The following MYLK variants were observed in gnomAD, a reference collection of about 807,000 sequenced individuals.
The protein encoded by MYLK is myosin light chain kinase, also known as myosin light chain kinase, smooth muscle.
A neutral mutation model predicts 203.4 loss-of-function variants in MYLK; 106 were observed. The ratio of observed to expected loss-of-function variants is 0.52; its 90% CI spans 0.45 to 0.61. MYLK has a LOEUF of 0.61. Ranked by LOEUF, MYLK falls within the 20% of genes least tolerant of loss-of-function variation. The pLI, the probability that MYLK is intolerant of heterozygous loss-of-function variation, is 0.00. For synonymous variants in MYLK, 867 were observed against 959.5 expected (o/e 0.90, Z 1.78); for missense variants, 2,072 against 2,442.3 (o/e 0.85, Z 3.20).
chr3:123,857,156 G>A (rs1326070043), intron 2 of MYLK, among the ~76,000 whole-genome samples: 6 of 151,928 alleles, frequency 3.9e-5, no homozygotes, highest in Admixed American at 2.0e-4. Flanking sequence ...AACAGGTGCT[G>A]GAGAGGATGT....
chr3:123,874,607 T>C (rs1198662582), intron 2 of MYLK, among the ~76,000 whole-genome samples: 1 of 152,146 alleles, frequency 6.6e-6, no homozygotes, highest in East Asian at 1.9e-4. Flanking sequence ...AGCAAAAGCA[T>C]AACACATCTT....
At chr3:123,861,012 C>G (rs1296424766) in intron 2 of MYLK, among the ~76,000 whole-genome samples, 1 of 151,972 alleles carries the variant, frequency 6.6e-6, no homozygotes, top group Admixed American at 6.6e-5. Context: ...CGCCTGTGGT[C>G]TCAGCTACTT....
rs1028376931 is a variant in MYLK, at chr3:123,858,150, T to G, written c.-127+18409A>C. On this transcript the variant is annotated intron_variant, in intron 2 of 33. Coordinates refer to ENST00000360304, the MANE Select transcript of MYLK (RefSeq NM_053025.4). The stretch of plus-strand genomic sequence containing the variant: ...AGCTATCTGCTTGTCATGCTTATGT[T>G]TATCACTTGCAATAGTGCCCAGATC... 2.6e-5 allele frequency among the ~76,000 whole-genome samples: 4 copies of G among 152,328 alleles called. No homozygotes were observed. In the East Asian group the frequency reaches 7.7e-4, roughly 29 times the overall value.
intron 3 of MYLK, among the ~76,000 whole-genome samples, chr3:123,803,107 A>G (rs944488834): frequency 2.0e-5 from 3 of 152,172 alleles, no homozygotes; most frequent in African/African-American, 7.2e-5. Context: ...CATGGCTTCC[A>G]ATCCCTAGGA....
intron 3 of MYLK, among the ~76,000 whole-genome samples, chr3:123,810,343 ACTCTCTGGAACGAAGAGTT>A (rs1231196903): frequency 6.6e-6 from 1 of 151,686 alleles, no homozygotes; most frequent in Non-Finnish European, 1.5e-5. Context: ...CAAGGTGGCC[ACTCTCTGGAACGAAGAGTT>A]CAATCTGCAT....
chr3:123,753,526 AGTAC>A (rs2063269881), intron 4 of MYLK, among the ~76,000 whole-genome samples: 1 of 145,848 alleles, frequency 6.9e-6, no homozygotes, highest in Non-Finnish European at 1.5e-5. Flanking sequence ...CCCAGGCTGG[AGTAC>A]AGTGGTGCAA....
chr3:123,854,549 T>C (rs1488481159), intron 2 of MYLK, among the ~76,000 whole-genome samples: 1 of 152,142 alleles, frequency 6.6e-6, no homozygotes, highest in African/African-American at 2.4e-5. Flanking sequence ...CACTGTTTAA[T>C]TTTTTCTTTC....
intron 2 of MYLK, among the ~76,000 whole-genome samples, chr3:123,875,590 C>T (rs1250552898): frequency 6.6e-6 from 1 of 152,132 alleles, no homozygotes; most frequent in African/African-American, 2.4e-5. Context: ...TGAACTTCCT[C>T]ATAATTATGT....
chr3:123,678,741 G>T (rs1189180116), intron 20 of MYLK, among the ~76,000 whole-genome samples: 2 of 152,016 alleles, frequency 1.3e-5, no homozygotes, highest in Non-Finnish European at 2.9e-5. Context: ...AAGGCAAGTT[G>T]CAGAGGTATA....
chr3:123,815,390 G>A (rs1340926077), intron 3 of MYLK, among the ~76,000 whole-genome samples: 7 of 152,182 alleles, frequency 4.6e-5, no homozygotes, highest in South Asian at 2.1e-4. Flanking sequence ...GGCAAGCCTT[G>A]GGAAGTGAGG....
intron 20 of MYLK, among the ~76,000 whole-genome samples, chr3:123,670,157 A>G (rs926082674): frequency 1.3e-5 from 2 of 151,918 alleles, no homozygotes; most frequent in Admixed American, 6.6e-5. Flanking sequence ...GTCTCAAATT[A>G]TTTCAAGATA....
intron 2 of MYLK, among the ~76,000 whole-genome samples, chr3:123,870,953 A>G (rs1328329081): frequency 6.6e-6 from 1 of 152,164 alleles, no homozygotes; most frequent in Non-Finnish European, 1.5e-5. Flanking sequence ...TCCTTTCTAC[A>G]GACCATATTG....
chr3:123,762,750 C>G (rs963155377), intron 4 of MYLK, among the ~76,000 whole-genome samples: 2 of 152,134 alleles, frequency 1.3e-5, no homozygotes, highest in Non-Finnish European at 2.9e-5. Flanking sequence ...CGGCCTTCCA[C>G]CATGAGATGA....
intron 32 of MYLK, among the ~76,000 whole-genome samples, chr3:123,619,656 G>A (rs1314326385): frequency 6.6e-6 from 1 of 152,200 alleles, no homozygotes; most frequent in East Asian, 1.9e-4. Flanking sequence ...TGGTGAGCAA[G>A]TAACTGACCC....
chr3:123,824,936 C>T (rs3851983), intron 3 of MYLK, among the ~76,000 whole-genome samples: 68,365 of 151,742 alleles, frequency 0.45, 18,451 homozygotes, highest in Non-Finnish European at 0.63. Flanking sequence ...ATTGCTTGAG[C>T]CCAGGAGTTT....
chr3:123,648,859 G>A lies in MYLK; in HGVS notation c.4415+112C>T. The stretch of plus-strand genomic sequence containing the variant: ...TTGGATCCTGCAGGACTCTCAGTCT[G>A]GGGAGGAGGCAGGCCCCAGGGAGCA... On this transcript the variant is annotated intron_variant, in intron 26 of 33. Coordinates refer to ENST00000360304, the MANE Select transcript of MYLK (RefSeq NM_053025.4). The surrounding 1 kb of genome is among the most constrained non-coding windows in gnomAD (Gnocchi z 4.5). The A allele has an allele frequency of 1.1e-6, 1 of 876,834 alleles. No individual in the cohort carries two copies. The highest frequency in any genetic ancestry group is 1.9e-6 in the Non-Finnish European group (1 of 523,948). 54.3% of individuals were successfully genotyped at this position (876,834 alleles called of 1,614,324 possible).
At chr3:123,693,463 G>C in intron 18 of MYLK, 1 of 157,290 alleles carries the variant, frequency 6.4e-6, no homozygotes, top group South Asian at 1.9e-4. Context: ...AAAGGTGTCT[G>C]AGCTGGAGAA....
At chr3:123,775,115 C>T (rs1295989315) in intron 4 of MYLK, among the ~76,000 whole-genome samples, 1 of 152,094 alleles carries the variant, frequency 6.6e-6, no homozygotes, top group East Asian at 1.9e-4. Context: ...CCTTGAACTC[C>T]CGGGCTCAAG....
Position 123,640,219 on chromosome 3 carries a change from C to T in MYLK, c.4837+68G>A, listed in dbSNP as rs1175009785. On this transcript the variant is annotated intron_variant, in intron 28 of 33. Coordinates refer to ENST00000360304, the MANE Select transcript of MYLK (RefSeq NM_053025.4). The surrounding 1 kb of genome is among the most constrained non-coding windows in gnomAD (Gnocchi z 4.3). The stretch of plus-strand genomic sequence containing the variant: ...CCAATACTGTATGTTTCCTCTCACA[C>T]TCAGTGTGAGAGGAAACGGCCAGTG... 2.8e-6 allele frequency: 4 copies of T among 1,447,406 alleles called. No homozygotes were observed. Among genetic ancestry groups the T allele is most frequent in the Admixed American group, 1.7e-5 (1 of 59,700 alleles). 89.7% of individuals were successfully genotyped at this position (1,447,406 alleles called of 1,614,324 possible). A position where few individuals can be genotyped will look rare whatever the true frequency, so the allele number is the denominator to read the frequency against.
Sources: gnomAD v4.1 joint callset for allele counts (sites outside exome capture counted in the v4.1 genomes callset) on GRCh38, gnomAD v4.1.1 for gene constraint, Gnocchi (gnomAD v3.1) non-coding constraint, MANE v1.5 for transcripts, NCBI Gene and HGNC (gene_info 2026-07-23, HGNC 2026-07-21) for gene names.